ARFGEF2: variants seen among roughly 807,000 people sequenced by gnomAD.
ARFGEF2 encodes the protein brefeldin A-inhibited guanine nucleotide-exchange protein 2.
A neutral mutation model predicts 219.9 loss-of-function variants in ARFGEF2; 74 were observed. That is an observed-to-expected ratio of 0.34 (90% CI 0.28 to 0.41). ARFGEF2 has a LOEUF of 0.41. Ranked by LOEUF, ARFGEF2 falls within the 10% of genes least tolerant of loss-of-function variation. The pLI, the probability that ARFGEF2 is intolerant of heterozygous loss-of-function variation, is 1.00. For missense variants in ARFGEF2, 1,743 were observed against 2,218.3 expected (o/e 0.79, Z 4.30); for synonymous variants, 733 against 799.2 (o/e 0.92, Z 1.40).
intron 23 of ARFGEF2, among the ~76,000 whole-genome samples, chr20:48,996,602 G>A (rs987580497): frequency 3.3e-5 from 5 of 151,660 alleles, no homozygotes; most frequent in Admixed American, 3.3e-4. Context: ...AAATTAACTG[G>A]GCATGGTGAC....
At chr20:49,004,025 T>C (rs2091440657) in intron 25 of ARFGEF2, among the ~76,000 whole-genome samples, 1 of 152,094 alleles carries the variant, frequency 6.6e-6, no homozygotes, top group Admixed American at 6.6e-5. Flanking sequence ...AATAGCACCT[T>C]GGGAGATGTT....
intron 8 of ARFGEF2, among the ~76,000 whole-genome samples, chr20:48,968,936 A>T (rs1305250021): frequency 6.6e-6 from 1 of 152,166 alleles, no homozygotes; most frequent in Non-Finnish European, 1.5e-5. Flanking sequence ...CTAATTTTTG[A>T]TAAGAGTTAG....
chr20:49,022,682 A>T (rs1032734434), intron 34 of ARFGEF2, among the ~76,000 whole-genome samples: 6 of 152,150 alleles, frequency 3.9e-5, no homozygotes, highest in African/African-American at 1.4e-4. Context: ...TCCTACCCTG[A>T]CACTTTCTAT....
chr20:49,009,105 A>G (rs968921033), intron 26 of ARFGEF2, among the ~76,000 whole-genome samples: 16 of 152,360 alleles, frequency 1.1e-4, no homozygotes, highest in African/African-American at 3.8e-4. Flanking sequence ...TATAATAAAT[A>G]TAGTTTTGTC....
At chr20:49,008,580 A>C (rs1291652246) in intron 26 of ARFGEF2, among the ~76,000 whole-genome samples, 4 of 151,916 alleles carry the variant, frequency 2.6e-5, no homozygotes, top group African/African-American at 9.7e-5. Flanking sequence ...AAAAGTTCAC[A>C]ATGTTTATAA....
rs71337478 is a variant in ARFGEF2 at position 48,963,175 on chromosome 20, C to CAAAAAAAA, written c.839-648_839-641dup. ...TGGGCAAGACAGCAAAACTCTGTCT[C>CAAAAAAAA]AAAAAAAAAAAAAAGTAATGTTTAC... On this transcript the variant is annotated intron_variant, in intron 6 of 38. Coordinates refer to ENST00000371917, the MANE Select transcript of ARFGEF2 (RefSeq NM_006420.3). 1.7e-3 allele frequency among the ~76,000 whole-genome samples: 192 copies of CAAAAAAAA among 110,822 alleles called. 9 individuals carry two copies. The highest frequency in any genetic ancestry group is 6.7e-3 in the African/African-American group (162 of 24,054). The allele number at this position is 110,822 out of a possible 152,430, so 72.7% of individuals were successfully genotyped here.
intron 1 of ARFGEF2, among the ~76,000 whole-genome samples, chr20:48,936,678 C>T (rs2090960434): frequency 6.6e-6 from 1 of 152,170 alleles, no homozygotes; most frequent in African/African-American, 2.4e-5. Flanking sequence ...GCGTGCACCA[C>T]CACGCCCAGC....
At chr20:48,972,483 C>A in intron 11 of ARFGEF2, 58 bp downstream of exon 11, 1 of 1,328,400 alleles carries the variant, frequency 7.5e-7, no homozygotes. Flanking sequence ...TTTGCCACAG[C>A]TCAGATTAAG....
At chr20:48,950,794 T>TAAAA (rs1308938052) in intron 3 of ARFGEF2, among the ~76,000 whole-genome samples, 13 of 35,922 alleles carry the variant, frequency 3.6e-4, no homozygotes, top group Admixed American at 7.5e-4. Context: ...AGACCCTGTC[T>TAAAA]AAAAAAAAAA....
intron 35 of ARFGEF2, 110 bp downstream of exon 35, chr20:49,023,291 A>G: frequency 7.0e-7 from 1 of 1,423,172 alleles, no homozygotes; most frequent in Non-Finnish European, 9.7e-7. Context: ...TGTCATGCTC[A>G]TCTCTTTCCA....
At chr20:48,931,599 G>A (rs2090913703) in intron 1 of ARFGEF2, among the ~76,000 whole-genome samples, 1 of 151,906 alleles carries the variant, frequency 6.6e-6, no homozygotes, top group Non-Finnish European at 1.5e-5. Context: ...ATTAGGTGCT[G>A]AGGAAGTCCC....
At chr20:48,955,666 C>T (rs776166065) in intron 6 of ARFGEF2, among the ~76,000 whole-genome samples, 27 of 152,220 alleles carry the variant, frequency 1.8e-4, no homozygotes, top group Non-Finnish European at 3.7e-4. Flanking sequence ...GTGGCCAATA[C>T]TTGGTGCATC....
chr20:48,970,897 G>C (rs1465613628), intron 9 of ARFGEF2, among the ~76,000 whole-genome samples: 3 of 152,176 alleles, frequency 2.0e-5, no homozygotes, highest in Non-Finnish European at 4.4e-5. Context: ...TCTCTACTTT[G>C]TGATGGAAAG....
At chr20:48,943,530 C>T (rs776053448) in intron 3 of ARFGEF2, among the ~76,000 whole-genome samples, 5 of 152,136 alleles carry the variant, frequency 3.3e-5, no homozygotes, top group Non-Finnish European at 5.9e-5. Context: ...TTGCTCAGGA[C>T]CTACTCCTTA....
At chr20:48,976,658 A>C (rs1471465484) in intron 14 of ARFGEF2, among the ~76,000 whole-genome samples, 2 of 152,044 alleles carry the variant, frequency 1.3e-5, no homozygotes, top group African/African-American at 4.8e-5. Flanking sequence ...AATACAAAAA[A>C]TTAGCCGGGC....
intron 6 of ARFGEF2, among the ~76,000 whole-genome samples, chr20:48,957,382 A>G (rs531583889): frequency 1.3e-5 from 2 of 152,276 alleles, no homozygotes; most frequent in African/African-American, 4.8e-5. Flanking sequence ...CCTGCCACAG[A>G]GTGTTCTCCA....
intron 3 of ARFGEF2, 138 bp downstream of exon 3, chr20:48,942,125 T>C: frequency 8.2e-7 from 1 of 1,218,848 alleles, no homozygotes; most frequent in Admixed American, 2.0e-5. Context: ...TAACGTATTC[T>C]TTTTGGAGAT....
At chr20:49,000,272 C>G (rs1464586343) in intron 25 of ARFGEF2, among the ~76,000 whole-genome samples, 2 of 152,206 alleles carry the variant, frequency 1.3e-5, no homozygotes, top group Non-Finnish European at 1.5e-5. Flanking sequence ...AGCACACTGT[C>G]TGTTTTACAA....
Position 48,989,325 on chromosome 20 carries a change from A to G in ARFGEF2, c.2574A>G (p.Leu858=). ...AGCAGCGGCGGCTGCTGTACAACTT[A>G]GAGATGGAGCAAATGGCTAAAACAG... is the stretch of plus-strand genomic sequence containing the variant. The part of the protein sequence containing the change: ...SEKQRRLLYN[L]EMEQMAKTAK... Residue 858 remains leucine, a synonymous_variant, in exon 19 of 39, where the codon TTA becomes TTG. Coordinates refer to ENST00000371917, the MANE Select transcript of ARFGEF2 (RefSeq NM_006420.3). The G allele has an allele frequency of 6.2e-7, 1 of 1,614,214 alleles. No homozygotes were observed. The highest frequency in any genetic ancestry group is 8.5e-7 in the Non-Finnish European group (1 of 1,180,026).
Sources: gnomAD v4.1 joint callset for allele counts (sites outside exome capture counted in the v4.1 genomes callset) on GRCh38, gnomAD v4.1.1 for gene constraint, MANE v1.5 for transcripts, NCBI Gene and HGNC (gene_info 2026-07-23, HGNC 2026-07-21) for gene names.